Variants in VWA8 observed in about 807,000 individuals in gnomAD.
VWA8 encodes von Willebrand factor A domain-containing protein 8.
Under a neutral mutation model 241.5 loss-of-function variants are expected in VWA8, and 221 were observed. The ratio of observed to expected loss-of-function variants is 0.91; its 90% CI spans 0.82 to 1.02. The LOEUF is 1.02. VWA8 is among the 50% of genes least tolerant of loss of function. The pLI is 0.00. For synonymous variants in VWA8, 852 were observed against 827.1 expected (o/e 1.03, Z -0.52); for missense variants, 2,322 against 2,328.7 (o/e 1.00, Z 0.06).
intron 9 of VWA8, among the ~76,000 whole-genome samples, chr13:41,882,861 C>G (rs1161497646): frequency 6.8e-6 from 1 of 146,084 alleles, no homozygotes; most frequent in Non-Finnish European, 1.5e-5. Flanking sequence ...ATTTTTTTAA[C>G]TAAATATGAG....
intron 21 of VWA8, among the ~76,000 whole-genome samples, chr13:41,739,675 C>A (rs747529152): frequency 6.6e-6 from 1 of 151,992 alleles, no homozygotes; most frequent in Non-Finnish European, 1.5e-5. Context: ...AGTTTTCTAC[C>A]ATTTACCTAT....
At chr13:41,706,487 G>A (rs1303885694) in intron 26 of VWA8, among the ~76,000 whole-genome samples, 1 of 152,114 alleles carries the variant, frequency 6.6e-6, no homozygotes, top group Non-Finnish European at 1.5e-5. Context: ...TTTACTGTAG[G>A]CTCTAGGCTG....
At chr13:41,796,762 TTTTC>T (rs1306606098) in intron 17 of VWA8, among the ~76,000 whole-genome samples, 2 of 151,962 alleles carry the variant, frequency 1.3e-5, no homozygotes, top group African/African-American at 4.8e-5. Flanking sequence ...TTCTCTATTA[TTTTC>T]AAGTGTGTGA....
chr13:41,867,059 T>C (rs1389239872), intron 10 of VWA8, among the ~76,000 whole-genome samples: 1 of 152,188 alleles, frequency 6.6e-6, no homozygotes, highest in Non-Finnish European at 1.5e-5. Flanking sequence ...TTTAAGAATT[T>C]AACCTGGTAT....
In VWA8 at chr13:41,652,969, C is replaced by G. The variant is rs187254153; in HGVS notation, c.4611+17977G>C. Among the ~76,000 whole-genome samples, 4 of 152,248 alleles carry G rather than the reference C, an allele frequency of 2.6e-5. No homozygotes were observed. In the East Asian group the frequency reaches 5.8e-4, roughly 22 times the overall value. ...AAGCTCACCGACACCCTCCTGTGGT[C>G]AGTGGAAATAATAATTCCAGTCAAA... On this transcript the variant is annotated intron_variant, in intron 37 of 44. Coordinates refer to ENST00000379310, the MANE Select transcript of VWA8 (RefSeq NM_015058.2).
At chr13:41,790,169 C>T (rs1302197944) in intron 17 of VWA8, among the ~76,000 whole-genome samples, 2 of 151,996 alleles carry the variant, frequency 1.3e-5, no homozygotes, top group Non-Finnish European at 2.9e-5. Context: ...TAAATTATAA[C>T]ACCATAAAAC....
chr13:41,821,513 T>C (rs971846908), intron 14 of VWA8, among the ~76,000 whole-genome samples: 1 of 152,106 alleles, frequency 6.6e-6, no homozygotes, highest in African/African-American at 2.4e-5. Flanking sequence ...TAAGGTGATC[T>C]GATAAACTGG....
At chr13:41,706,199 A>G (rs1414909245) in intron 26 of VWA8, among the ~76,000 whole-genome samples, 1 of 152,218 alleles carries the variant, frequency 6.6e-6, no homozygotes, top group Non-Finnish European at 1.5e-5. Context: ...GCATGTTCAT[A>G]AAATCTGGTT....
At chr13:41,573,484 A>AT (rs796873882) in intron 43 of VWA8, among the ~76,000 whole-genome samples, 7,155 of 116,662 alleles carry the variant, frequency 0.061, 206 homozygotes, top group East Asian at 0.1. Flanking sequence ...TAAAAAAAAA[A>AT]AAATATATAT....
chr13:41,652,869 C>T (rs2044878412), intron 37 of VWA8, among the ~76,000 whole-genome samples: 1 of 152,092 alleles, frequency 6.6e-6, no homozygotes, highest in South Asian at 2.1e-4. Context: ...ATTACAACTT[C>T]CAAATATAGT....
intron 37 of VWA8, among the ~76,000 whole-genome samples, chr13:41,646,967 C>T (rs2044836221): frequency 6.6e-6 from 1 of 152,168 alleles, no homozygotes; most frequent in South Asian, 2.1e-4. Flanking sequence ...AAATCTGTTT[C>T]TTCATCTATA....
At position 41,819,343 on chromosome 13, in the gene VWA8, C is replaced by T. The variant is rs773266783; in HGVS notation, c.1744G>A (p.Ala582Thr). 1 of 1,610,892 alleles carries T rather than the reference C, an allele frequency of 6.2e-7. No individual in the cohort carries two copies. The highest frequency in any genetic ancestry group is 8.5e-7 in the Non-Finnish European group (1 of 1,179,208). Residue 582 changes from alanine to threonine, a missense_variant, in exon 15 of 45, where the codon GCA becomes ACA. Physicochemically the swap from Ala to Thr is moderately conservative, Grantham distance 58 (BLOSUM62 0). Transcript: ENST00000379310. ...GTGCTTCCAATAACAGGGGGTTCTG[C>T]CAAGGCAATGATTCTGAAGGAGGGA... ...IHPSFRIIAL[A>T]EPPVIGSTAH...
intron 28 of VWA8, among the ~76,000 whole-genome samples, chr13:41,700,866 T>C (rs1330946969): frequency 6.6e-6 from 1 of 152,162 alleles, no homozygotes; most frequent in Non-Finnish European, 1.5e-5. Context: ...TTTATCACCT[T>C]AGTAACTGAC....
chr13:41,590,056 T>A (rs77245305), intron 41 of VWA8, among the ~76,000 whole-genome samples: 3 of 151,208 alleles, frequency 2.0e-5, no homozygotes, highest in Non-Finnish European at 2.9e-5. Context: ...GGGGAAGTTT[T>A]CCCTTGGCCC....
intron 39 of VWA8, among the ~76,000 whole-genome samples, chr13:41,608,808 GTCTC>G (rs2044568911): frequency 6.6e-6 from 1 of 152,090 alleles, no homozygotes. Flanking sequence ...TTTTATGCTT[GTCTC>G]TCTCTGTTAG....
At chr13:41,579,176 C>T (rs1253673685) in intron 42 of VWA8, among the ~76,000 whole-genome samples, 2 of 152,140 alleles carry the variant, frequency 1.3e-5, no homozygotes, top group Non-Finnish European at 2.9e-5. Flanking sequence ...TAAGTAGGTA[C>T]GAGACAATCA....
At chr13:41,615,745 T>C (rs907519170) in intron 37 of VWA8, among the ~76,000 whole-genome samples, 13 of 152,348 alleles carry the variant, frequency 8.5e-5, no homozygotes, top group Admixed American at 2.6e-4. Context: ...AAGAAGTACT[T>C]TAGCCTTCCT....
chr13:41,823,970 A>G (rs1871072789), intron 14 of VWA8, among the ~76,000 whole-genome samples: 1 of 152,206 alleles, frequency 6.6e-6, no homozygotes, highest in East Asian at 1.9e-4. Context: ...AAAGGCATCA[A>G]AGTATTCCTA....
intron 12 of VWA8, among the ~76,000 whole-genome samples, chr13:41,859,866 C>A (rs1221359131): frequency 2.0e-5 from 3 of 152,202 alleles, no homozygotes; most frequent in Non-Finnish European, 2.9e-5. Flanking sequence ...TAGCTTTATA[C>A]ATGTACAAAT....
Sources: allele counts gnomAD v4.1 joint callset (sites outside exome capture counted in the v4.1 genomes callset), GRCh38; gene constraint gnomAD v4.1.1; transcripts MANE v1.5; gene names NCBI Gene and HGNC (gene_info 2026-07-23, HGNC 2026-07-21).